The following DPF1 variants were observed in gnomAD, a reference collection of about 807,000 sequenced individuals.
The protein encoded by DPF1 is double PHD fingers 1.
In DPF1, 14 loss-of-function variants were observed where a neutral mutation model predicts 58.7. The observed-to-expected ratio is 0.24, with a 90% CI of 0.16 to 0.37. The LOEUF is 0.37. DPF1 is among the 10% of genes least tolerant of loss of function. The probability of loss-of-function intolerance (pLI) is 1.00; values close to 1 mark genes in which losing one functional copy is unlikely to be tolerated. For missense variants in DPF1, 345 were observed against 529.9 expected (o/e 0.65, Z 3.43); for synonymous variants, 216 against 216.0 (o/e 1.00, Z 0.00).
At chr19:38,215,076 G>A (rs923185129) in intron 9 of DPF1, among the ~76,000 whole-genome samples, 5 of 151,196 alleles carry the variant, frequency 3.3e-5, no homozygotes, top group African/African-American at 1.2e-4. Flanking sequence ...CTCATGATCT[G>A]CTCGCCCCAG....
At chr19:38,226,449 A>T (rs1162035706), upstream of DPF1, among the ~76,000 whole-genome samples, 1 of 149,528 alleles carries the variant, frequency 6.7e-6, no homozygotes, top group Non-Finnish European at 1.5e-5. Context: ...TTGTCACTTG[A>T]AATCCCCCCA....
chr19:38,219,033 C>T lies in DPF1; in HGVS notation c.324G>A (p.Glu108=). 3 of 1,614,156 alleles carry T rather than the reference C, an allele frequency of 1.9e-6. No individual in the cohort carries two copies. Among genetic ancestry groups the T allele is most frequent in the Middle Eastern group, 1.6e-4 (1 of 6,062 alleles). ...GGACCGGCCCTTCCGGGAGGCCACC[C>T]TCCTTCTTCAGGGGTGCTTCACAGT... The part of the protein sequence containing the change: ...KIDCEAPLKK[E]GGLPEGPVLE... The change falls in exon 4 of 12, where the codon GAG becomes GAA. Residue 108 remains glutamate (E), a synonymous_variant. Transcript: ENST00000355526.
At chr19:38,227,164 C>T (rs1967869200), upstream of DPF1, among the ~76,000 whole-genome samples, 1 of 151,492 alleles carries the variant, frequency 6.6e-6, no homozygotes, top group Non-Finnish European at 1.5e-5. Flanking sequence ...CTGCAGCCTC[C>T]ACCTCCCAGG....
rs948088122 is a variant in DPF1 at position 38,224,045 on chromosome 19, C to A, written c.29+69G>T. 3 of 1,439,234 alleles carry A rather than the reference C, an allele frequency of 2.1e-6. No individual in the cohort carries two copies. Among genetic ancestry groups the A allele is most frequent in the East Asian group, 5.6e-5 (2 of 35,694 alleles). The allele number at this position is 1,439,234 out of a possible 1,614,324, so 89.2% of individuals were successfully genotyped here. On this transcript the variant is annotated intron_variant, in intron 1 of 11. Transcript: ENST00000355526. The surrounding 1 kb of genome is among the most constrained non-coding windows in gnomAD (Gnocchi z 4.5). ...ACACCCCTTCGGCCCCACCCCCGGT[C>A]GCCACACACACACAGGCCCGCGTAG...
Position 38,222,419 on chromosome 19 carries a change from C to T in DPF1, c.236G>A (p.Arg79Lys). The T allele has an allele frequency of 6.3e-7, 1 of 1,587,602 alleles. No homozygotes were observed. The highest frequency in any genetic ancestry group is 8.5e-7 in the Non-Finnish European group (1 of 1,172,928). Residue 79 changes from arginine to lysine, a missense_variant, in exon 3 of 12, where the codon AGG (arginine) becomes AAG (lysine). Transcript: ENST00000355526. This position sits in a 1 kb window ranked among gnomAD's most constrained non-coding sequence, Gnocchi z 4.9. ...QIYTYPARCW[R>K]KKRRLNILED... The stretch of plus-strand genomic sequence containing the variant: ...CAGGATGTTGAGTCTCCGTTTCTTC[C>T]TCCAACAGCGGGCGGGGTACGTGTA...
Position 38,216,334 on chromosome 19 carries a change from CAGA to C in DPF1, c.778+16_778+18del. The C allele has an allele frequency of 1.2e-6, 2 of 1,604,182 alleles. No homozygotes were observed. Among genetic ancestry groups the C allele is most frequent in the East Asian group, 2.2e-5 (1 of 44,712 alleles). The stretch of plus-strand genomic sequence containing the variant: ...CAAAGGTGGCTGCAGACTTTAGGAG[CAGA>C]AGGAGGCATCCGTACCTGTGTGTTT... On this transcript the variant is annotated intron_variant, in intron 8 of 11. Coordinates refer to ENST00000355526, the MANE Select transcript of DPF1 (RefSeq NM_001135155.3).
Position 38,229,536 on chromosome 19 carries a change from G to T in DPF1, c.-132+23C>A. ...CCTGGTGGGGGGGTCTGGACAGGGG[G>T]CGGGGACGGCAGGGACACTCACGAC... is the stretch of plus-strand genomic sequence containing the variant. On this transcript the variant is annotated intron_variant, in intron 1 of 11. Coordinates refer to the DPF1 transcript ENST00000412732. The surrounding 1 kb of genome is among the most constrained non-coding windows in gnomAD (Gnocchi z 5.3). 2.6e-6 allele frequency: 3 copies of T among 1,144,950 alleles called. No individual in the cohort carries two copies. Among genetic ancestry groups the T allele is most frequent in the Non-Finnish European group, 3.2e-6 (3 of 930,684 alleles). 70.9% of individuals were successfully genotyped at this position (1,144,950 alleles called of 1,614,324 possible).
rs1267165623 is a variant in DPF1 at position 38,224,091 on chromosome 19, C to A, written c.29+23G>T. The A allele has an allele frequency of 6.7e-7, 1 of 1,500,378 alleles. No individual in the cohort carries two copies. The highest frequency in any genetic ancestry group is 8.8e-7 in the Non-Finnish European group (1 of 1,136,848). 92.9% of individuals were successfully genotyped at this position (1,500,378 alleles called of 1,614,324 possible). On this transcript the variant is annotated intron_variant, in intron 1 of 11. Transcript: ENST00000355526. The surrounding 1 kb of genome is among the most constrained non-coding windows in gnomAD (Gnocchi z 4.5). Reference sequence around the variant, plus strand: ...CGTAGACCCGCCCGCGCTTCCTCTCCGCCTCCCGCCGGCCCGCACCACCTC... The same window carrying A: ...CGTAGACCCGCCCGCGCTTCCTCTCAGCCTCCCGCCGGCCCGCACCACCTC...
Position 38,222,732 on chromosome 19 carries a change from G to A in DPF1, c.30-24C>T. The A allele has an allele frequency of 6.4e-7, 1 of 1,557,098 alleles. No individual in the cohort carries two copies. The highest frequency in any genetic ancestry group is 8.7e-7 in the Non-Finnish European group (1 of 1,151,996). On this transcript the variant is annotated intron_variant, in intron 1 of 11. Transcript: ENST00000355526. This position sits in a 1 kb window ranked among gnomAD's most constrained non-coding sequence, Gnocchi z 4.9. ...GGCTAGAGGGGCGGCGAACGGGCGG[G>A]CGGCTGTCAGCAAGGGCAGGCGCAC...
At chr19:38,214,896 T>C (rs1371413585) in intron 9 of DPF1, among the ~76,000 whole-genome samples, 4 of 134,624 alleles carry the variant, frequency 3.0e-5, no homozygotes, top group Admixed American at 2.6e-4. Flanking sequence ...AGTGCAGTGG[T>C]GCAATCTTGG....
rs998029216 is a variant in DPF1 at position 38,224,111 on chromosome 19, C to T, written c.29+3G>A. On this transcript the variant is annotated splice_donor_region_variant and intron_variant, in intron 1 of 11. Transcript: ENST00000355526. This position sits in a 1 kb window ranked among gnomAD's most constrained non-coding sequence, Gnocchi z 4.5. Reference sequence around the variant, plus strand: ...CTCTCCGCCTCCCGCCGGCCCGCACCACCTCAGGGGGCCAGGGATGACAGT... The same window carrying T: ...CTCTCCGCCTCCCGCCGGCCCGCACTACCTCAGGGGGCCAGGGATGACAGT... 6.7e-7 allele frequency: 1 copy of T among 1,503,136 alleles called. No individual in the cohort carries two copies. The highest frequency in any genetic ancestry group is 8.8e-7 in the Non-Finnish European group (1 of 1,136,986). The allele number at this position is 1,503,136 out of a possible 1,614,324, so 93.1% of individuals were successfully genotyped here. A position where few individuals can be genotyped will look rare whatever the true frequency, so the allele number is the denominator to read the frequency against.
At chr19:38,224,392 C>A, upstream of DPF1, 1 of 870,130 alleles carries the variant, frequency 1.1e-6, no homozygotes, top group Non-Finnish European at 1.5e-6. The surrounding 1 kb of genome is among the most constrained non-coding windows in gnomAD (Gnocchi z 4.5). Context: ...CGTCACTCAC[C>A]CGCCCTCACT....
chr19:38,214,308 T>G (rs1252813744), intron 9 of DPF1, among the ~76,000 whole-genome samples: 1 of 152,188 alleles, frequency 6.6e-6, no homozygotes, highest in Non-Finnish European at 1.5e-5. Flanking sequence ...GGCTTAGTCA[T>G]TCCACAGCCC....
At position 38,222,474 on chromosome 19, in the gene DPF1, G is replaced by C; in HGVS notation, c.191-10C>G. 3.8e-6 allele frequency: 6 copies of C among 1,582,564 alleles called. No homozygotes were observed. The highest frequency in any genetic ancestry group is 5.1e-6 in the Non-Finnish European group (6 of 1,170,054). On this transcript the variant is annotated splice_polypyrimidine_tract_variant and intron_variant, in intron 2 of 11. Coordinates refer to ENST00000355526, the MANE Select transcript of DPF1 (RefSeq NM_001135155.3). This position sits in a 1 kb window ranked among gnomAD's most constrained non-coding sequence, Gnocchi z 4.9. ...TGTCCCGGGGCCAAACCTGGAGAGA[G>C]AGGGGGGTGAGAGGGCGGCGGCGGT...
Position 38,218,835 on chromosome 19 carries a change from G to A in DPF1, c.426+96C>T, listed in dbSNP as rs899437483. The A allele has an allele frequency of 1.8e-5, 28 of 1,559,360 alleles. 1 individual carries two copies. The highest frequency in any genetic ancestry group is 3.6e-5 in the South Asian group (3 of 83,946). ...GGATGCCCAACAGCCAGAAGAAACCGGGGGGGTTTCAGAGCAGGAACGTGA... is the reference window on the plus strand; with the variant it reads ...GGATGCCCAACAGCCAGAAGAAACCAGGGGGGTTTCAGAGCAGGAACGTGA... On this transcript the variant is annotated intron_variant, in intron 4 of 11. Coordinates refer to ENST00000355526, the MANE Select transcript of DPF1 (RefSeq NM_001135155.3).
intron 9 of DPF1, among the ~76,000 whole-genome samples, chr19:38,215,903 C>CAGCT (rs1966980394): frequency 1.3e-5 from 2 of 152,192 alleles, no homozygotes; most frequent in African/African-American, 4.8e-5. Context: ...TAAGCACAGG[C>CAGCT]AGCTACCCAC....
chr19:38,213,895 C>G, intron 9 of DPF1, 139 bp from the exon 10 acceptor site: 1 of 658,018 alleles, frequency 1.5e-6, no homozygotes, highest in African/African-American at 1.8e-5. Flanking sequence ...AGCCTGACCC[C>G]ACACCTGCCC....
Position 38,224,034 on chromosome 19 carries a change from C to T in DPF1, c.29+80G>A. 2.1e-6 allele frequency: 3 copies of T among 1,424,956 alleles called. No individual in the cohort carries two copies. Among genetic ancestry groups the T allele is most frequent in the Non-Finnish European group, 2.7e-6 (3 of 1,095,792 alleles). 88.3% of individuals were successfully genotyped at this position (1,424,956 alleles called of 1,614,324 possible). On this transcript the variant is annotated intron_variant, in intron 1 of 11. Coordinates refer to ENST00000355526, the MANE Select transcript of DPF1 (RefSeq NM_001135155.3). This position sits in a 1 kb window ranked among gnomAD's most constrained non-coding sequence, Gnocchi z 4.5. ...CAGCCCCCCAGACACCCCTTCGGCCCCACCCCCGGTCGCCACACACACACA... is the reference window on the plus strand; with the variant it reads ...CAGCCCCCCAGACACCCCTTCGGCCTCACCCCCGGTCGCCACACACACACA...
upstream of DPF1, among the ~76,000 whole-genome samples, chr19:38,228,420 G>T (rs1440391263): frequency 7.0e-6 from 1 of 142,480 alleles, no homozygotes; most frequent in African/African-American, 2.5e-5. Context: ...CCCGCCCCCA[G>T]CCCTCGATGT....
Sources: gnomAD v4.1 joint callset for allele counts (sites outside exome capture counted in the v4.1 genomes callset) on GRCh38, gnomAD v4.1.1 for gene constraint, Gnocchi (gnomAD v3.1) non-coding constraint, MANE v1.5 for transcripts, NCBI Gene and HGNC (gene_info 2026-07-23, HGNC 2026-07-21) for gene names.